The following NNT variants were observed in gnomAD, a reference collection of about 807,000 sequenced individuals.
NNT encodes the protein nicotinamide nucleotide transhydrogenase, also known as NAD(P) transhydrogenase, mitochondrial.
In NNT, 50 loss-of-function variants were observed where a neutral mutation model predicts 104.8. That is an observed-to-expected ratio of 0.48 (90% CI 0.38 to 0.60). The LOEUF is 0.60. Among genes scored for constraint, NNT ranks in the 20% least tolerant of loss-of-function variants. The pLI is 0.00. For synonymous variants in NNT, 461 were observed against 490.4 expected (o/e 0.94, Z 0.79); for missense variants, 1,131 against 1,330.7 (o/e 0.85, Z 2.33).
At chr5:43,678,578 A>T (rs1741544793) in intron 19 of NNT, among the ~76,000 whole-genome samples, 1 of 152,212 alleles carries the variant, frequency 6.6e-6, no homozygotes, top group South Asian at 2.1e-4. Context: ...CATTTTAACT[A>T]CATCAAGTTG....
chr5:43,616,639 A>C (rs898135932), intron 4 of NNT, among the ~76,000 whole-genome samples: 4 of 152,246 alleles, frequency 2.6e-5, no homozygotes, highest in Admixed American at 2.6e-4. Context: ...TCATTTGCCC[A>C]ATAGCACTAA....
At chr5:43,620,738 A>C (rs1750042991) in intron 5 of NNT, among the ~76,000 whole-genome samples, 1 of 152,248 alleles carries the variant, frequency 6.6e-6, no homozygotes, top group South Asian at 2.1e-4. Flanking sequence ...ATGTAAAATG[A>C]TTAAATTTTG....
Position 43,704,466 on chromosome 5 carries a change from A to G in NNT, c.*62A>G, listed in dbSNP as rs1357969918. On this transcript the variant is annotated 3_prime_UTR_variant, in exon 22 of 22. Transcript: ENST00000344920. ...TCTGCAGTTTTGGGAACAGGCAAAT[A>G]AAGTATCAGTATACATGGTGATGTA... is the stretch of plus-strand genomic sequence containing the variant. The G allele has an allele frequency of 3.9e-6, 6 of 1,552,912 alleles. No homozygotes were observed. In the African/African-American group the frequency reaches 4.1e-5, roughly 11 times the overall value.
In NNT at chr5:43,656,730, G is replaced by A. The variant is rs753409624; in HGVS notation, c.2371G>A (p.Gly791Arg). 1.9e-6 allele frequency: 3 copies of A among 1,614,148 alleles called. No homozygotes were observed. The highest frequency in any genetic ancestry group is 1.7e-5 in the Admixed American group (1 of 60,018). Residue 791 changes from glycine to arginine, a missense_variant, in exon 16 of 22, where the codon GGG (glycine) becomes AGG (arginine). Physicochemically the swap from Gly to Arg is moderately radical, Grantham distance 125. Transcript: ENST00000344920. ...NAGLLAASVG[G>R]IIPFMVDPSF... ...AGGCTTACTGGCTGCTAGTGTGGGC[G>A]GGATAATCCCATTCATGGTGGACCC...
rs1035869548 is a variant in NNT, at chr5:43,706,088, A to T, written c.*1684A>T. On this transcript the variant is annotated 3_prime_UTR_variant, in exon 22 of 22. Coordinates refer to ENST00000344920, the MANE Select transcript of NNT (RefSeq NM_182977.3). ...TTTGTCATAGTAAAAATTTTAATTT[A>T]TATATATTTTTATTTAGTATTATCT... 6.6e-6 allele frequency: 1 copy of T among 151,524 alleles called. No homozygotes were observed. The highest frequency in any genetic ancestry group is 2.4e-5 in the African/African-American group (1 of 41,394). The allele number at this position is 151,524 out of a possible 1,614,324, so 9.4% of individuals were successfully genotyped here. A position where few individuals can be genotyped will look rare whatever the true frequency, so the allele number is the denominator to read the frequency against.
chr5:43,644,872 G>T, intron 9 of NNT, 70 bp downstream of exon 9: 2 of 1,308,816 alleles, frequency 1.5e-6, no homozygotes, highest in South Asian at 3.2e-5. Flanking sequence ...GTTTATGGAA[G>T]AATTCTATTT....
chr5:43,630,861 A>T (rs1750638262), intron 7 of NNT, among the ~76,000 whole-genome samples: 1 of 152,194 alleles, frequency 6.6e-6, no homozygotes, highest in African/African-American at 2.4e-5. Flanking sequence ...TTGGTTGCTT[A>T]TGTTAGATCC....
chr5:43,644,684 A>C lies in NNT; in HGVS notation c.1172A>C (p.Asn391Thr), dbSNP rs776812329. The C allele has an allele frequency of 6.2e-7, 1 of 1,614,204 alleles. No individual in the cohort carries two copies. Among genetic ancestry groups the C allele is most frequent in the Non-Finnish European group, 8.5e-7 (1 of 1,180,026 alleles). Residue 391 changes from asparagine to threonine, a missense_variant, in exon 9 of 22, where the codon AAC becomes ACC. Physicochemically the swap from Asn to Thr is moderately conservative, Grantham distance 65. Transcript: ENST00000344920. ...ATQASTLYSN[N>T]ITKLLKAISP... Reference sequence around the variant, plus strand: ...CAGGCCAGCACCCTATATTCCAACAACATCACCAAACTCCTGAAGGCCATC... The same window carrying C: ...CAGGCCAGCACCCTATATTCCAACACCATCACCAAACTCCTGAAGGCCATC...
At chr5:43,638,459 A>G (rs1751051131) in intron 7 of NNT, among the ~76,000 whole-genome samples, 1 of 152,188 alleles carries the variant, frequency 6.6e-6, no homozygotes, top group Non-Finnish European at 1.5e-5. Context: ...TGTAAATGAT[A>G]AAGTTCAGCC....
chr5:43,665,147 C>T (rs1014174885), intron 17 of NNT, among the ~76,000 whole-genome samples: 2 of 151,988 alleles, frequency 1.3e-5, no homozygotes. Context: ...TGATCTTCTG[C>T]AGGACTGTGT....
intron 19 of NNT, among the ~76,000 whole-genome samples, chr5:43,686,339 T>C (rs1416217056): frequency 2.0e-5 from 3 of 152,050 alleles, no homozygotes; most frequent in Non-Finnish European, 4.4e-5. Flanking sequence ...CCTAATCATA[T>C]CTGTTAAATG....
chr5:43,637,830 G>A (rs1751014266), intron 7 of NNT, among the ~76,000 whole-genome samples: 1 of 152,036 alleles, frequency 6.6e-6, no homozygotes, highest in Admixed American at 6.6e-5. Context: ...TGTAGGTAGG[G>A]CAATGAGATG....
At chr5:43,701,674 A>G (rs573351221) in intron 20 of NNT, among the ~76,000 whole-genome samples, 1 of 152,300 alleles carries the variant, frequency 6.6e-6, no homozygotes, top group Non-Finnish European at 1.5e-5. Flanking sequence ...CACTGGCTGA[A>G]CTAATTTACA....
At chr5:43,635,750 G>C (rs1457805280) in intron 7 of NNT, among the ~76,000 whole-genome samples, 1 of 151,958 alleles carries the variant, frequency 6.6e-6, no homozygotes, top group African/African-American at 2.4e-5. Context: ...CTCTTTTTAT[G>C]CTTCAATTTC....
intron 1 of NNT, among the ~76,000 whole-genome samples, chr5:43,608,317 G>A (rs925549340): frequency 5.9e-5 from 9 of 152,126 alleles, no homozygotes; most frequent in African/African-American, 2.2e-4. Context: ...TGCATCCCTG[G>A]GGATCTACTG....
intron 18 of NNT, among the ~76,000 whole-genome samples, chr5:43,677,399 T>TGAGAGAGA (rs111577191): frequency 7.2e-6 from 1 of 138,634 alleles, no homozygotes; most frequent in Non-Finnish European, 1.6e-5. Context: ...TTTAAAAACA[T>TGAGAGAGA]GAGAGAGAGA....
At chr5:43,630,974 A>C (rs1377966638) in intron 7 of NNT, among the ~76,000 whole-genome samples, 1 of 152,186 alleles carries the variant, frequency 6.6e-6, no homozygotes, top group Non-Finnish European at 1.5e-5. Flanking sequence ...AGCTTCCCCC[A>C]CAACAAAAAA....
chr5:43,692,714 A>G (rs997424839), intron 19 of NNT, among the ~76,000 whole-genome samples: 1 of 152,230 alleles, frequency 6.6e-6, no homozygotes, highest in African/African-American at 2.4e-5. Flanking sequence ...TTCATGGTCT[A>G]CCACTGTAAG....
chr5:43,659,033 A>G (rs1169524966), intron 16 of NNT, 138 bp from the exon 17 acceptor site: 2 of 743,864 alleles, frequency 2.7e-6, no homozygotes, highest in Non-Finnish European at 4.1e-6. Context: ...CAGATGGGAG[A>G]CACTTATTAC....
Sources: allele counts gnomAD v4.1 joint callset (sites outside exome capture counted in the v4.1 genomes callset), GRCh38; gene constraint gnomAD v4.1.1; transcripts MANE v1.5; gene names NCBI Gene and HGNC (gene_info 2026-07-23, HGNC 2026-07-21).